Variants in KLF18 observed in about 807,000 individuals in gnomAD.
The protein encoded by KLF18 is Kruppel-like factor 18.
At position 44,141,197 on chromosome 1, in the gene KLF18, A is replaced by T. The variant is rs370400229; in HGVS notation, c.435T>A (p.Asn145Lys). ...TITASNMTIS[N>K]ESSQLNTPSS... Reference sequence around the variant, plus strand: ...TTGGGGTGTTCAGCTGGCTACTTTCATTGGAGATTGTCATGTTGCTTGCAG... The same window carrying T: ...TTGGGGTGTTCAGCTGGCTACTTTCTTTGGAGATTGTCATGTTGCTTGCAG... The change falls in exon 1 of 2, where the codon AAT becomes AAA. Residue 145 changes from asparagine (N) to lysine (K), a missense_variant. Coordinates refer to ENST00000634670, the MANE Select transcript of KLF18 (RefSeq NM_001358438.1). The T allele has an allele frequency of 2.3e-5, 9 of 398,526 alleles. 1 individual carries two copies. The highest frequency in any genetic ancestry group is 1.8e-4 in the African/African-American group (9 of 48,684). 24.7% of individuals were successfully genotyped at this position (398,526 alleles called of 1,614,324 possible). A position where few individuals can be genotyped will look rare whatever the true frequency, so the allele number is the denominator to read the frequency against.
rs376447283 is a variant in KLF18 at position 44,140,301 on chromosome 1, C to T, written c.1331G>A (p.Cys444Tyr). ...AGTGGAGGTCATCACTTGCTCTCCA[C>T]AGAGGTTCTGGTTACCAGTGGAGGT... ...MTTSTGNQNLCGEQVMTSTSN... is the reference protein window; with the variant it reads ...MTTSTGNQNLYGEQVMTSTSN... Residue 444 changes from cysteine to tyrosine, a missense_variant, in exon 1 of 2, where the codon TGT (cysteine) becomes TAT (tyrosine). Coordinates refer to ENST00000634670, the MANE Select transcript of KLF18 (RefSeq NM_001358438.1). The T allele has an allele frequency of 9.9e-6, 3 of 302,788 alleles. No homozygotes were observed. The highest frequency in any genetic ancestry group is 2.9e-5 in the African/African-American group (1 of 35,040). The allele number at this position is 302,788 out of a possible 1,614,324, so 18.8% of individuals were successfully genotyped here.
Position 44,141,381 on chromosome 1 carries a change from ATTG to A in KLF18, c.248_250del (p.Thr83del), listed in dbSNP as rs1305951824. On this transcript the variant is annotated inframe_deletion, in exon 1 of 2. Coordinates refer to ENST00000634670, the MANE Select transcript of KLF18 (RefSeq NM_001358438.1). ...GTCTTCAAGGGCTTTAAGAGGGTGC[ATTG>A]TTAAGTCCTGGGTGAGAACTGTCCC... 2.0e-5 allele frequency: 8 copies of A among 398,400 alleles called. No individual in the cohort carries two copies. Among genetic ancestry groups the A allele is most frequent in the Middle Eastern group, 6.2e-4 (1 of 1,612 alleles). 24.7% of individuals were successfully genotyped at this position (398,400 alleles called of 1,614,324 possible).
At chr1:44,138,496 G>C (rs1557736668) in intron 1 of KLF18, among the ~76,000 whole-genome samples, 168 bp downstream of exon 1, 1 of 148,594 alleles carries the variant, frequency 6.7e-6, no homozygotes, top group Non-Finnish European at 1.5e-5. Context: ...TCCAGGACTA[G>C]AGCCTGTCCC....
rs994391537 is a variant in KLF18, at chr1:44,141,503, G to A, written c.129C>T (p.Ala43=). 1.5e-5 allele frequency: 6 copies of A among 398,430 alleles called. No individual in the cohort carries two copies. The highest frequency in any genetic ancestry group is 2.7e-5 in the Non-Finnish European group (6 of 226,098). The allele number at this position is 398,430 out of a possible 1,614,324, so 24.7% of individuals were successfully genotyped here. A position where few individuals can be genotyped will look rare whatever the true frequency, so the allele number is the denominator to read the frequency against. The change falls in exon 1 of 2, where the codon GCC becomes GCT. Residue 43 remains alanine, a synonymous_variant. Transcript: ENST00000634670. The stretch of plus-strand genomic sequence containing the variant: ...ACTCATGTTGGCTCTCCTCAGCATG[G>A]GCAGTCAGAGGCATACAGTTCTGTG... The part of the protein sequence containing the change: ...PEPQNCMPLT[A]HAEESQHEST...
At chr1:44,138,520 T>G in intron 1 of KLF18, 144 bp downstream of exon 1, 1 of 394,246 alleles carries the variant, frequency 2.5e-6, no homozygotes. Context: ...GACTGCTTTA[T>G]CTACCCTTCT....
Position 44,138,737 on chromosome 1 carries a change from G to C in KLF18, c.2895C>G (p.Val965=), listed in dbSNP as rs1045833466. ...WKNPEVSRPY[V]CTYEDCKMSY... is the part of the protein sequence containing the mutation. ...ACATCTTGCAGTCCTCGTAAGTGCA[G>C]ACATAGGGCCTTGAAACCTCAGGAT... Residue 965 remains valine, a synonymous_variant, in exon 1 of 2, where the codon GTC becomes GTG. Transcript: ENST00000634670. 1 of 398,636 alleles carries C rather than the reference G, an allele frequency of 2.5e-6. No individual in the cohort carries two copies. Among genetic ancestry groups the C allele is most frequent in the African/African-American group, 2.1e-5 (1 of 48,760 alleles). The allele number at this position is 398,636 out of a possible 1,614,324, so 24.7% of individuals were successfully genotyped here. A position where few individuals can be genotyped will look rare whatever the true frequency, so the allele number is the denominator to read the frequency against.
At chr1:44,138,631 G>GCCCCTCA in intron 1 of KLF18, 33 bp downstream of exon 1, 1 of 384,988 alleles carries the variant, frequency 2.6e-6, no homozygotes, top group Non-Finnish European at 4.5e-6. Flanking sequence ...GTAGCCACTT[G>GCCCCTCA]CCCCTCACCC....
rs555970837 is a variant in KLF18 at position 44,137,991 on chromosome 1, C to T, written c.2989G>A (p.Asp997Asn). ...KHTGEKPYVC[D>N]VEGCTWKFAR... ...AATTTCCACGTACATCCCTCTACAT[C>T]GCATACATAGGGCTTCTCCCCTGGA... The change falls in exon 2 of 2, where the codon GAT (aspartate) becomes AAT (asparagine). Residue 997 changes from aspartate to asparagine, a missense_variant. By Grantham distance (23) the Asp-to-Asn change is conservative. Transcript: ENST00000634670. 5.0e-5 allele frequency: 20 copies of T among 398,744 alleles called. No individual in the cohort carries two copies. In the South Asian group the frequency reaches 1.0e-3, roughly 20 times the overall value. 24.7% of individuals were successfully genotyped at this position (398,744 alleles called of 1,614,324 possible).
At position 44,141,277 on chromosome 1, in the gene KLF18, C is replaced by T. The variant is rs1251779739; in HGVS notation, c.355G>A (p.Asp119Asn). The T allele has an allele frequency of 5.0e-6, 2 of 398,510 alleles. No individual in the cohort carries two copies. The highest frequency in any genetic ancestry group is 8.8e-6 in the Non-Finnish European group (2 of 226,138). 24.7% of individuals were successfully genotyped at this position (398,510 alleles called of 1,614,324 possible). The stretch of plus-strand genomic sequence containing the variant: ...GATGACTTTGGGGTGACAGTAACAT[C>T]TGTCATCTGGGAGCCTGCTGTGTGT... ...VKHTAGSQMT[D>N]VTVTPKSSPT... The change falls in exon 1 of 2, where the codon GAT becomes AAT. Residue 119 changes from aspartate to asparagine, a missense_variant. By Grantham distance (23) the Asp-to-Asn change is conservative (BLOSUM62 1). Coordinates refer to ENST00000634670, the MANE Select transcript of KLF18 (RefSeq NM_001358438.1).
In KLF18 at chr1:44,141,296, T is replaced by C. The variant is rs902850764; in HGVS notation, c.336A>G (p.Thr112=). 3.5e-5 allele frequency: 14 copies of C among 398,706 alleles called. No homozygotes were observed. The highest frequency in any genetic ancestry group is 2.2e-4 in the Admixed American group (5 of 22,730). The allele number at this position is 398,706 out of a possible 1,614,324, so 24.7% of individuals were successfully genotyped here. A position where few individuals can be genotyped will look rare whatever the true frequency, so the allele number is the denominator to read the frequency against. Residue 112 remains threonine, a synonymous_variant, in exon 1 of 2, where the codon ACA becomes ACG. Coordinates refer to ENST00000634670, the MANE Select transcript of KLF18 (RefSeq NM_001358438.1). Reference sequence around the variant, plus strand: ...TAACATCTGTCATCTGGGAGCCTGCTGTGTGTTTTACCTGATCAAAGGAAG... The same window carrying C: ...TAACATCTGTCATCTGGGAGCCTGCCGTGTGTTTTACCTGATCAAAGGAAG... The part of the protein sequence containing the change: ...KVTSFDQVKH[T]AGSQMTDVTV...
chr1:44,140,665 T>C lies in KLF18; in HGVS notation c.967A>G (p.Thr323Ala). Residue 323 changes from threonine to alanine, a missense_variant, in exon 1 of 2, where the codon ACG becomes GCG. By Grantham distance (58) the Thr-to-Ala change is moderately conservative. Coordinates refer to ENST00000634670, the MANE Select transcript of KLF18 (RefSeq NM_001358438.1). ...GNQALCGGQM[T>A]TSTGNQNLYG... ...AGGTTCTGGTTACCAGTGGAGGTCG[T>C]CATCTGCCCTCCACAGAGGGCTTGG... The C allele has an allele frequency of 7.6e-6, 3 of 395,404 alleles. No individual in the cohort carries two copies. The highest frequency in any genetic ancestry group is 1.3e-5 in the Non-Finnish European group (3 of 225,312). 24.5% of individuals were successfully genotyped at this position (395,404 alleles called of 1,614,324 possible).
Position 44,139,934 on chromosome 1 carries a change from G to T in KLF18, c.1698C>A (p.Asn566Lys). The stretch of plus-strand genomic sequence containing the variant: ...TGATCTGCCCCCCGTAGAGGGCCTG[G>T]TTACCAGTGGAGGTCGTCACCTGCT... ...CGEQVTTSTG[N>K]QALYGGQITT... The change falls in exon 1 of 2, where the codon AAC (asparagine) becomes AAA (lysine). Residue 566 changes from asparagine to lysine, a missense_variant. Physicochemically the swap from Asn to Lys is moderately conservative, Grantham distance 94 (BLOSUM62 0). Coordinates refer to ENST00000634670, the MANE Select transcript of KLF18 (RefSeq NM_001358438.1). 1 of 391,246 alleles carries T rather than the reference G, an allele frequency of 2.6e-6. No individual in the cohort carries two copies. Among genetic ancestry groups the T allele is most frequent in the Non-Finnish European group, 4.5e-6 (1 of 221,916 alleles). 24.2% of individuals were successfully genotyped at this position (391,246 alleles called of 1,614,324 possible). A position where few individuals can be genotyped will look rare whatever the true frequency, so the allele number is the denominator to read the frequency against.
In KLF18 at chr1:44,139,797, T is replaced by C. The variant is rs1349931998; in HGVS notation, c.1835A>G (p.Tyr612Cys). 29 of 202,860 alleles carry C rather than the reference T, an allele frequency of 1.4e-4. No individual in the cohort carries two copies. Among genetic ancestry groups the C allele is most frequent in the African/African-American group, 3.5e-4 (10 of 28,544 alleles). 12.6% of individuals were successfully genotyped at this position (202,860 alleles called of 1,614,324 possible). ...AGTGGAGGTCATCATCTGCCCCCCA[T>C]AGAGGGCCTGGTTACCAGTGGAGGT... Reference protein sequence around the residue: ...VTTSTGNQALYGGQMMTSTGN... With the variant: ...VTTSTGNQALCGGQMMTSTGN... Residue 612 changes from tyrosine to cysteine, a missense_variant, in exon 1 of 2, where the codon TAT (tyrosine) becomes TGT (cysteine). Tyr to Cys is a radical substitution (Grantham distance 194). Coordinates refer to ENST00000634670, the MANE Select transcript of KLF18 (RefSeq NM_001358438.1).
Position 44,140,300 on chromosome 1 carries a change from A to C in KLF18, c.1332T>G (p.Cys444Trp). The change falls in exon 1 of 2, where the codon TGT (cysteine) becomes TGG (tryptophan). Residue 444 changes from cysteine to tryptophan, a missense_variant. Physicochemically the swap from Cys to Trp is radical, Grantham distance 215 (BLOSUM62 -2). Transcript: ENST00000634670. ...MTTSTGNQNL[C>W]GEQVMTSTSN... ...TAGTGGAGGTCATCACTTGCTCTCC[A>C]CAGAGGTTCTGGTTACCAGTGGAGG... The C allele has an allele frequency of 3.3e-6, 1 of 305,312 alleles. No individual in the cohort carries two copies. The highest frequency in any genetic ancestry group is 5.7e-6 in the Non-Finnish European group (1 of 174,808). The allele number at this position is 305,312 out of a possible 1,614,324, so 18.9% of individuals were successfully genotyped here.
chr1:44,138,640 C>T (rs922259694), intron 1 of KLF18, 24 bp downstream of exon 1: 2 of 398,530 alleles, frequency 5.0e-6, no homozygotes, highest in Non-Finnish European at 8.8e-6. Context: ...TGCCCCTCAC[C>T]CCTGTTTCTG....
Position 44,140,802 on chromosome 1 carries a change from C to T in KLF18, c.830G>A (p.Gly277Glu). 2.5e-6 allele frequency: 1 copy of T among 398,518 alleles called. No individual in the cohort carries two copies. The highest frequency in any genetic ancestry group is 4.4e-6 in the Non-Finnish European group (1 of 226,190). 24.7% of individuals were successfully genotyped at this position (398,518 alleles called of 1,614,324 possible). Residue 277 changes from glycine (G) to glutamate (E), a missense_variant, in exon 1 of 2, where the codon GGG (glycine) becomes GAG (glutamate). Coordinates refer to ENST00000634670, the MANE Select transcript of KLF18 (RefSeq NM_001358438.1). ...ACTAGCGGAGGTCGTCATCTGCCCC[C>T]CATAGAGGGCCTGGTTACCAGTGGA... ...TTSTGNQALY[G>E]GQMTTSASNQ...
Position 44,140,289 on chromosome 1 carries a change from ACTT to A in KLF18, c.1340_1342del (p.Gln447_Val448delinsLeu). The A allele has an allele frequency of 3.2e-5, 10 of 312,798 alleles. No homozygotes were observed. The highest frequency in any genetic ancestry group is 8.8e-5 in the East Asian group (2 of 22,850). The allele number at this position is 312,798 out of a possible 1,614,324, so 19.4% of individuals were successfully genotyped here. A position where few individuals can be genotyped will look rare whatever the true frequency, so the allele number is the denominator to read the frequency against. ...GGTCTGGTTACTAGTGGAGGTCATCACTTGCTCTCCACAGAGGTTCTGGTTACC... is the reference window on the plus strand; with the variant it reads ...GGTCTGGTTACTAGTGGAGGTCATCAGCTCTCCACAGAGGTTCTGGTTACC... On this transcript the variant is annotated inframe_deletion, in exon 1 of 2. Transcript: ENST00000634670.
At position 44,140,803 on chromosome 1, in the gene KLF18, C is replaced by T. The variant is rs1038931684; in HGVS notation, c.829G>A (p.Gly277Arg). 1 of 398,202 alleles carries T rather than the reference C, an allele frequency of 2.5e-6. No homozygotes were observed. Among genetic ancestry groups the T allele is most frequent in the Non-Finnish European group, 4.4e-6 (1 of 226,106 alleles). 24.7% of individuals were successfully genotyped at this position (398,202 alleles called of 1,614,324 possible). Residue 277 changes from glycine (G) to arginine (R), a missense_variant, in exon 1 of 2, where the codon GGG (glycine) becomes AGG (arginine). By Grantham distance (125) the Gly-to-Arg change is moderately radical. Transcript: ENST00000634670. ...TTSTGNQALY[G>R]GQMTTSASNQ... ...CTAGCGGAGGTCGTCATCTGCCCCCCATAGAGGGCCTGGTTACCAGTGGAG... is the reference window on the plus strand; with the variant it reads ...CTAGCGGAGGTCGTCATCTGCCCCCTATAGAGGGCCTGGTTACCAGTGGAG...
In KLF18 at chr1:44,141,457, G is replaced by A; in HGVS notation, c.175C>T (p.Pro59Ser). 1 of 398,640 alleles carries A rather than the reference G, an allele frequency of 2.5e-6. No homozygotes were observed. The highest frequency in any genetic ancestry group is 4.4e-6 in the Non-Finnish European group (1 of 226,144). The allele number at this position is 398,640 out of a possible 1,614,324, so 24.7% of individuals were successfully genotyped here. ...GTCATCATTGTGGACCCCAAGGGAG[G>A]CATCGTCTTGCTCTGGGTTGACTCA... ...QHESTQSKTM[P>S]PLGSTMMTSA... Residue 59 changes from proline to serine, a missense_variant, in exon 1 of 2, where the codon CCT becomes TCT. Transcript: ENST00000634670.
Sources: allele counts gnomAD v4.1 joint callset (sites outside exome capture counted in the v4.1 genomes callset), GRCh38; gene constraint gnomAD v4.1.1; transcripts MANE v1.5; gene names NCBI Gene and HGNC (gene_info 2026-07-23, HGNC 2026-07-21).